The following APPBP2 variants were observed in gnomAD, a reference collection of about 807,000 sequenced individuals.
APPBP2 encodes amyloid protein-binding protein 2.
APPBP2 carries 15 observed loss-of-function variants against 76.0 expected under a neutral mutation model. The observed-to-expected ratio is 0.20, with a 90% CI of 0.13 to 0.30. APPBP2 has a LOEUF of 0.30. Ranked by LOEUF, APPBP2 falls within the 10% of genes least tolerant of loss-of-function variation. APPBP2 has a pLI of 1.00. For missense variants in APPBP2, 401 were observed against 687.2 expected (o/e 0.58, Z 4.66); for synonymous variants, 222 against 242.2 (o/e 0.92, Z 0.77).
At chr17:60,464,217 C>A in intron 5 of APPBP2, 107 bp from the exon 6 acceptor site, 1 of 725,276 alleles carries the variant, frequency 1.4e-6, no homozygotes, top group Non-Finnish European at 2.4e-6. Context: ...TAAGAACACA[C>A]ACAAAATATT....
intron 9 of APPBP2, among the ~76,000 whole-genome samples, chr17:60,457,313 C>A (rs73326429): frequency 6.6e-6 from 1 of 152,056 alleles, no homozygotes; most frequent in Non-Finnish European, 1.5e-5. Flanking sequence ...CTCTCCCCCA[C>A]CCTCCAGGTA....
At chr17:60,505,832 C>T (rs566513571) in intron 1 of APPBP2, among the ~76,000 whole-genome samples, 2 of 150,234 alleles carry the variant, frequency 1.3e-5, no homozygotes, top group African/African-American at 2.4e-5. Flanking sequence ...TACAGGCGCC[C>T]GCCACCATGC....
At chr17:60,480,371 T>C (rs780184589) in intron 3 of APPBP2, among the ~76,000 whole-genome samples, 3 of 152,134 alleles carry the variant, frequency 2.0e-5, no homozygotes, top group Admixed American at 6.6e-5. Flanking sequence ...AGCCAGACCT[T>C]GTCTCAAACA....
intron 2 of APPBP2, among the ~76,000 whole-genome samples, chr17:60,497,209 G>A (rs563709330): frequency 1.9e-4 from 29 of 152,230 alleles, no homozygotes; most frequent in Admixed American, 1.6e-3. Context: ...GCAACAACAC[G>A]GATGGAACTG....
At chr17:60,508,075 C>T (rs979739731) in intron 1 of APPBP2, among the ~76,000 whole-genome samples, 2 of 151,708 alleles carry the variant, frequency 1.3e-5, no homozygotes, top group Non-Finnish European at 2.9e-5. Flanking sequence ...TGGGCTCAAG[C>T]GATTCTCCAG....
intron 1 of APPBP2, among the ~76,000 whole-genome samples, chr17:60,521,774 T>G (rs373084959): frequency 6.7e-6 from 1 of 150,064 alleles, no homozygotes; most frequent in Non-Finnish European, 1.5e-5. Context: ...TAAAACATTA[T>G]GAGATTTTTT....
chr17:60,471,210 T>C (rs569555371), intron 4 of APPBP2, among the ~76,000 whole-genome samples: 1 of 152,322 alleles, frequency 6.6e-6, no homozygotes, highest in South Asian at 2.1e-4. Flanking sequence ...GTTGTCTTTT[T>C]ATTTTCTTGA....
In APPBP2 at chr17:60,444,933, A is replaced by G. The variant is rs764767630; in HGVS notation, c.*2648T>C. The G allele has an allele frequency of 1.3e-5, 2 of 152,214 alleles. No homozygotes were observed. Among genetic ancestry groups the G allele is most frequent in the African/African-American group, 4.8e-5 (2 of 41,426 alleles). The allele number at this position is 152,214 out of a possible 1,614,324, so 9.4% of individuals were successfully genotyped here. On this transcript the variant is annotated 3_prime_UTR_variant, in exon 13 of 13. Coordinates refer to ENST00000083182, the MANE Select transcript of APPBP2 (RefSeq NM_006380.5). ...CCAGGGCTTCCTTACGCACCTCACCATATGTAAAAAGTTTGCGCAAGTTAA... is the reference window on the plus strand; with the variant it reads ...CCAGGGCTTCCTTACGCACCTCACCGTATGTAAAAAGTTTGCGCAAGTTAA...
At position 60,526,134 on chromosome 17, in the gene APPBP2, T is replaced by A; in HGVS notation, c.-203A>T. ...AGCGGACGCAGGCCCGAGTAAAAAG[T>A]GGGACAGAAAACAGCGGCCAGCCAG... On this transcript the variant is annotated 5_prime_UTR_variant, in exon 1 of 13. Transcript: ENST00000083182. The A allele has an allele frequency of 1.7e-6, 1 of 580,286 alleles. No homozygotes were observed. The highest frequency in any genetic ancestry group is 3.1e-6 in the Non-Finnish European group (1 of 326,492). 35.9% of individuals were successfully genotyped at this position (580,286 alleles called of 1,614,324 possible).
intron 1 of APPBP2, among the ~76,000 whole-genome samples, chr17:60,505,965 G>A (rs1054104545): frequency 4.0e-5 from 6 of 151,242 alleles, no homozygotes; most frequent in African/African-American, 1.5e-4. Context: ...TTACAGGTGT[G>A]AGCCACCATG....
intron 1 of APPBP2, among the ~76,000 whole-genome samples, chr17:60,513,965 A>G (rs1175885512): frequency 6.6e-6 from 1 of 150,578 alleles, no homozygotes; most frequent in African/African-American, 2.5e-5. Flanking sequence ...TTCTTCTTTC[A>G]ATGCAAACAC....
intron 3 of APPBP2, among the ~76,000 whole-genome samples, chr17:60,484,111 C>T (rs535810294): frequency 4.6e-5 from 7 of 152,254 alleles, no homozygotes; most frequent in South Asian, 4.1e-4. Flanking sequence ...ACCAGTACCA[C>T]GCTGTTTTGG....
intron 3 of APPBP2, 81 bp from the exon 4 acceptor site, chr17:60,479,352 A>G: frequency 7.4e-7 from 1 of 1,360,536 alleles, no homozygotes; most frequent in East Asian, 2.4e-5. Context: ...AGTGAATATT[A>G]CCTAAATTAA....
chr17:60,456,431 T>A, intron 9 of APPBP2, 50 bp from the exon 10 acceptor site: 1 of 1,184,362 alleles, frequency 8.4e-7, no homozygotes, highest in Non-Finnish European at 1.3e-6. Context: ...TTACAAATGA[T>A]TTAGGAATTT....
chr17:60,466,196 A>G (rs2090509475), intron 5 of APPBP2, 95 bp downstream of exon 5: 1 of 1,218,204 alleles, frequency 8.2e-7, no homozygotes, highest in African/African-American at 1.5e-5. Flanking sequence ...TATGTAAAAG[A>G]GATCTGTAAG....
intron 2 of APPBP2, among the ~76,000 whole-genome samples, chr17:60,497,021 GACTT>G (rs2090781278): frequency 1.3e-5 from 2 of 152,130 alleles, no homozygotes; most frequent in Admixed American, 1.3e-4. Flanking sequence ...ACGCCCAGCC[GACTT>G]ACTTGTTTAT....
At chr17:60,503,366 A>C (rs185472759) in intron 1 of APPBP2, among the ~76,000 whole-genome samples, 1 of 145,848 alleles carries the variant, frequency 6.9e-6, no homozygotes, top group East Asian at 1.9e-4. Context: ...CATCCTTACC[A>C]AGTTTATCTA....
chr17:60,490,533 T>C (rs575644262), intron 3 of APPBP2, among the ~76,000 whole-genome samples: 4 of 152,308 alleles, frequency 2.6e-5, no homozygotes, highest in African/African-American at 9.6e-5. Context: ...GCTGTGTATG[T>C]TGACACATGC....
rs1269394598 is a variant in APPBP2 at position 60,464,097 on chromosome 17, C to A, written c.686G>T (p.Cys229Phe). The change falls in exon 6 of 13, where the codon TGC (cysteine) becomes TTC (phenylalanine). Residue 229 changes from cysteine to phenylalanine, a missense_variant. Physicochemically the swap from Cys to Phe is radical, Grantham distance 205. Around this residue, in one of 5 missense-constraint regions of APPBP2, gnomAD observed 64 missense variants for 72.9 expected, o/e 0.88. Transcript: ENST00000083182. ...KSHYDEAYKW[C>F]IEAMKEITAG... ...TGTAATTTCTTTCATTGCCTCGATG[C>A]ACCATTTGTATGCCTAAAAAAATTA... The A allele has an allele frequency of 1.2e-6, 2 of 1,610,964 alleles. No homozygotes were observed. The highest frequency in any genetic ancestry group is 2.2e-5 in the East Asian group (1 of 44,746).
Sources: gnomAD v4.1 joint callset for allele counts (sites outside exome capture counted in the v4.1 genomes callset) on GRCh38, gnomAD v4.1.1 for gene constraint, gnomAD v4.1.1 regional missense constraint, MANE v1.5 for transcripts, NCBI Gene and HGNC (gene_info 2026-07-23, HGNC 2026-07-21) for gene names.